Variants in EFCAB5 observed in about 807,000 individuals in gnomAD.
EFCAB5 encodes the protein EF-hand calcium-binding domain-containing protein 5.
EFCAB5 carries 131 observed loss-of-function variants against 167.9 expected under a neutral mutation model. The ratio of observed to expected loss-of-function variants is 0.78; its 90% CI spans 0.68 to 0.90. The LOEUF (loss-of-function observed/expected upper bound fraction) is 0.90, where lower values mean the gene tolerates loss of function less well. Among genes scored for constraint, EFCAB5 ranks in the 40% least tolerant of loss-of-function variants. The pLI is 0.00. For missense variants in EFCAB5, 1,663 were observed against 1,745.2 expected (o/e 0.95, Z 0.84); for synonymous variants, 574 against 602.8 (o/e 0.95, Z 0.70).
At position 30,092,882 on chromosome 17, in the gene EFCAB5, C is replaced by A; in HGVS notation, c.4267C>A (p.Pro1423Thr). ...YLVNNICAFD[P>T]TAKHVEVNVQ... is the part of the protein sequence containing the mutation. ...AGTCAACAATATTTGTGCCTTTGAT[C>A]CAACTGCCAAGCATGTGGAAGTTAA... Residue 1423 changes from proline to threonine, a missense_variant, in exon 22 of 23, where the codon CCA (proline) becomes ACA (threonine). Transcript: ENST00000394835. 1.2e-6 allele frequency: 2 copies of A among 1,611,704 alleles called. No individual in the cohort carries two copies. Among genetic ancestry groups the A allele is most frequent in the South Asian group, 1.1e-5 (1 of 90,650 alleles).
chr17:29,984,469 C>G (rs969474038), intron 4 of EFCAB5, among the ~76,000 whole-genome samples: 1 of 152,040 alleles, frequency 6.6e-6, no homozygotes, highest in Non-Finnish European at 1.5e-5. Flanking sequence ...CCTGTAATCC[C>G]AGCACTTTGG....
At chr17:29,934,301 G>GATAATAT (rs1451586603) in intron 1 of EFCAB5, among the ~76,000 whole-genome samples, 1 of 152,136 alleles carries the variant, frequency 6.6e-6, no homozygotes, top group Non-Finnish European at 1.5e-5. Context: ...AATTATAATT[G>GATAATAT]ATAATATATC....
At chr17:29,963,514 T>C (rs756550107) in intron 3 of EFCAB5, among the ~76,000 whole-genome samples, 1 of 152,242 alleles carries the variant, frequency 6.6e-6, no homozygotes, top group Non-Finnish European at 1.5e-5. Flanking sequence ...ATAATTTTAC[T>C]GTGATATCTA....
intron 3 of EFCAB5, among the ~76,000 whole-genome samples, chr17:29,955,748 T>G (rs75147921): frequency 0.06 from 9,052 of 152,126 alleles, 505 homozygotes; most frequent in African/African-American, 0.15. Context: ...CCAAAGAAAT[T>G]TATAGATTCA....
intron 7 of EFCAB5, among the ~76,000 whole-genome samples, chr17:30,015,466 G>A (rs1460063929): frequency 6.6e-6 from 1 of 152,148 alleles, no homozygotes; most frequent in East Asian, 1.9e-4. Flanking sequence ...TTTTCACATA[G>A]TCCCATATTT....
At chr17:29,948,912 T>A (rs1481121282) in intron 3 of EFCAB5, among the ~76,000 whole-genome samples, 1 of 152,224 alleles carries the variant, frequency 6.6e-6, no homozygotes, top group Non-Finnish European at 1.5e-5. Context: ...TGTTTAGTAG[T>A]ACTTCTTTAC....
intron 4 of EFCAB5, among the ~76,000 whole-genome samples, chr17:29,977,220 T>A (rs758509084): frequency 2.0e-5 from 3 of 152,204 alleles, no homozygotes; most frequent in Non-Finnish European, 4.4e-5. Flanking sequence ...GAAAAATATT[T>A]GCTCCTAAAA....
At chr17:29,953,925 T>A (rs758378958) in intron 3 of EFCAB5, among the ~76,000 whole-genome samples, 12 of 152,214 alleles carry the variant, frequency 7.9e-5, no homozygotes, top group South Asian at 2.1e-4. Context: ...GAGGAACTTG[T>A]TGGGAACTGG....
chr17:30,063,854 T>C (rs2070490573), intron 14 of EFCAB5, among the ~76,000 whole-genome samples: 1 of 152,200 alleles, frequency 6.6e-6, no homozygotes, highest in African/African-American at 2.4e-5. Flanking sequence ...CTGCTGCTGC[T>C]GCCACAAACT....
At chr17:29,933,909 A>C (rs1264531820) in intron 1 of EFCAB5, among the ~76,000 whole-genome samples, 1 of 152,198 alleles carries the variant, frequency 6.6e-6, no homozygotes, top group Non-Finnish European at 1.5e-5. Context: ...GTATTTGTAC[A>C]GCACACTGGG....
chr17:30,080,643 G>T (rs552351379), intron 16 of EFCAB5, 110 bp from the exon 17 acceptor site: 1 of 800,210 alleles, frequency 1.2e-6, no homozygotes, highest in South Asian at 1.9e-5. Flanking sequence ...TCCACTGCTC[G>T]GTCATATAAT....
intron 7 of EFCAB5, among the ~76,000 whole-genome samples, chr17:30,028,193 A>G (rs553551734): frequency 6.6e-6 from 1 of 152,292 alleles, no homozygotes; most frequent in East Asian, 1.9e-4. Flanking sequence ...GTTTAATATC[A>G]GTCATACAAT....
chr17:30,023,478 C>T (rs1252715633), intron 7 of EFCAB5, among the ~76,000 whole-genome samples: 1 of 152,032 alleles, frequency 6.6e-6, no homozygotes, highest in Non-Finnish European at 1.5e-5. Flanking sequence ...AAGACTAAAC[C>T]AGGAAGAAGT....
intron 17 of EFCAB5, among the ~76,000 whole-genome samples, 180 bp from the exon 18 acceptor site, chr17:30,082,711 T>G (rs2071013602): frequency 6.6e-6 from 1 of 152,164 alleles, no homozygotes; most frequent in Non-Finnish European, 1.5e-5. Context: ...GATTTCTTGA[T>G]GATCCTTTTT....
At chr17:29,954,241 T>G (rs1262898815) in intron 3 of EFCAB5, among the ~76,000 whole-genome samples, 2 of 152,118 alleles carry the variant, frequency 1.3e-5, no homozygotes, top group South Asian at 4.2e-4. Context: ...CACCAAGACA[T>G]GTGTAGAAAA....
At chr17:30,013,941 G>A (rs1332022906) in intron 7 of EFCAB5, among the ~76,000 whole-genome samples, 2 of 152,156 alleles carry the variant, frequency 1.3e-5, no homozygotes, top group Non-Finnish European at 2.9e-5. Context: ...TGGGCATTTA[G>A]TGCTATAAAT....
At chr17:29,979,253 G>A (rs2068123574) in intron 4 of EFCAB5, among the ~76,000 whole-genome samples, 1 of 152,062 alleles carries the variant, frequency 6.6e-6, no homozygotes, top group South Asian at 2.1e-4. Context: ...GAGAGTGGGA[G>A]AATTGCTTGA....
chr17:30,002,152 GT>G (rs1413970640), intron 7 of EFCAB5, among the ~76,000 whole-genome samples: 3 of 151,754 alleles, frequency 2.0e-5, no homozygotes, highest in Non-Finnish European at 4.4e-5. Flanking sequence ...ATTTCTCTAT[GT>G]CAATAAATAT....
chr17:30,073,687 A>G (rs550341483), intron 14 of EFCAB5: 3 of 715,366 alleles, frequency 4.2e-6, no homozygotes, highest in East Asian at 2.7e-5. Context: ...CCAAATTTCC[A>G]TAAAATGAGA....
Sources: gnomAD v4.1 joint callset for allele counts (sites outside exome capture counted in the v4.1 genomes callset) on GRCh38, gnomAD v4.1.1 for gene constraint, MANE v1.5 for transcripts, NCBI Gene and HGNC (gene_info 2026-07-23, HGNC 2026-07-21) for gene names.